The following NME5 variants were observed in gnomAD, a reference collection of about 807,000 sequenced individuals.
NME5 encodes the protein NME/NM23 family member 5, also known as nucleoside diphosphate kinase 5.
In NME5, 18 loss-of-function variants were observed where a neutral mutation model predicts 21.6. The ratio of observed to expected loss-of-function variants is 0.83; its 90% CI spans 0.58 to 1.24. The LOEUF (loss-of-function observed/expected upper bound fraction) is 1.24, where lower values mean the gene tolerates loss of function less well. Ranked by LOEUF, NME5 falls within the 50% of genes most tolerant of loss-of-function variation. The probability of loss-of-function intolerance (pLI) is 0.00; values close to 1 mark genes in which losing one functional copy is unlikely to be tolerated. For synonymous variants in NME5, 70 were observed against 80.6 expected, an observed-to-expected ratio of 0.87 and a Z score of 0.71; for missense variants, 223 against 255.4, an observed-to-expected ratio of 0.87 and a Z score of 0.86.
intron 2 of NME5, among the ~76,000 whole-genome samples, chr5:138,137,094 T>A (rs1307398492): frequency 2.0e-5 from 3 of 152,130 alleles, no homozygotes; most frequent in Non-Finnish European, 4.4e-5. Flanking sequence ...AATATGTAGA[T>A]CTCAGGTTTA....
At chr5:138,133,063 C>A (rs1033611496) in intron 2 of NME5, among the ~76,000 whole-genome samples, 1 of 151,910 alleles carries the variant, frequency 6.6e-6, no homozygotes, top group African/African-American at 2.4e-5. Flanking sequence ...GGTATGCCAG[C>A]CAATGTAGCA....
At chr5:138,119,061 AC>A (rs979239911) in intron 4 of NME5, 125 bp from the exon 5 acceptor site, 5 of 566,878 alleles carry the variant, frequency 8.8e-6, no homozygotes, top group African/African-American at 3.9e-5. Context: ...ATGGAGTCTT[AC>A]TCTGTTGCCT....
intron 4 of NME5, among the ~76,000 whole-genome samples, chr5:138,120,818 T>C (rs934248845): frequency 2.0e-4 from 30 of 152,184 alleles, no homozygotes; most frequent in African/African-American, 6.8e-4. Flanking sequence ...ATATACAGAC[T>C]TTCCTCAATT....
At chr5:138,126,210 A>G (rs1269010857) in intron 4 of NME5, among the ~76,000 whole-genome samples, 1 of 152,212 alleles carries the variant, frequency 6.6e-6, no homozygotes, top group Non-Finnish European at 1.5e-5. Flanking sequence ...AAGGCAACTG[A>G]AAATAACAGT....
In NME5 at chr5:138,138,713, A is replaced by G; in HGVS notation, c.68T>C (p.Ile23Thr). ...TTGTATCTCCTCCTCTTTGTCAACA[A>G]TATCTGGTTTGATAATGGCCAGAGT... ...EKTLAIIKPD[I>T]VDKEEEIQDI... Residue 23 changes from isoleucine (I) to threonine (T), a missense_variant, in exon 2 of 6, where the codon ATT (isoleucine) becomes ACT (threonine). Coordinates refer to ENST00000265191, the MANE Select transcript of NME5 (RefSeq NM_003551.3). 1.2e-6 allele frequency: 2 copies of G among 1,613,074 alleles called. No homozygotes were observed. Among genetic ancestry groups the G allele is most frequent in the South Asian group, 1.1e-5 (1 of 90,996 alleles).
Position 138,139,395 on chromosome 5 carries a change from C to T in NME5, c.-30G>A, listed in dbSNP as rs1310181000. On this transcript the variant is annotated 5_prime_UTR_variant, in exon 1 of 6. Coordinates refer to ENST00000265191, the MANE Select transcript of NME5 (RefSeq NM_003551.3). ...CCTCAGCGGCCGTCCTCATATGGTA[C>T]AACTTGTTGCTAGGAGACCTGAAGC... 1 of 985,672 alleles carries T rather than the reference C, an allele frequency of 1.0e-6. No individual in the cohort carries two copies. Among genetic ancestry groups the T allele is most frequent in the Non-Finnish European group, 1.2e-6 (1 of 830,148 alleles). 61.1% of individuals were successfully genotyped at this position (985,672 alleles called of 1,614,324 possible).
chr5:138,124,477 A>C (rs1751355590), intron 4 of NME5, among the ~76,000 whole-genome samples: 1 of 152,138 alleles, frequency 6.6e-6, no homozygotes, highest in Non-Finnish European at 1.5e-5. Context: ...ATGGTTTGCA[A>C]ATATTTTCTT....
chr5:138,127,728 AC>A, intron 4 of NME5: 1 of 972,534 alleles, frequency 1.0e-6, no homozygotes, highest in Non-Finnish European at 1.2e-6. Context: ...AAAAAAAGGG[AC>A]TAGTTATTAA....
chr5:138,131,731 A>G (rs977708490), intron 2 of NME5, among the ~76,000 whole-genome samples: 2 of 151,386 alleles, frequency 1.3e-5, no homozygotes, highest in Admixed American at 6.6e-5. Context: ...AGCTATTTTG[A>G]GTGCTTTTTT....
rs1445150952 is a variant in NME5, at chr5:138,138,696, C to T, written c.85G>A (p.Glu29Lys). 1 of 1,612,838 alleles carries T rather than the reference C, an allele frequency of 6.2e-7. No individual in the cohort carries two copies. Residue 29 changes from glutamate to lysine, a missense_variant, in exon 2 of 6, where the codon GAG (glutamate) becomes AAG (lysine). Glu to Lys is a moderately conservative substitution (Grantham distance 56, BLOSUM62 1). Transcript: ENST00000265191. Reference sequence around the variant, plus strand: ...GATCTAAGAATAATATCTTGTATCTCCTCCTCTTTGTCAACAATATCTGGT... The same window carrying T: ...GATCTAAGAATAATATCTTGTATCTTCTCCTCTTTGTCAACAATATCTGGT... ...IKPDIVDKEE[E>K]IQDIILRSGF...
rs762579967 is a variant in NME5, at chr5:138,131,204, T to TAAAAAAAAAAA, written c.130-1747_130-1737dup. Among the ~76,000 whole-genome samples, 115 of 80,870 alleles carry TAAAAAAAAAAA rather than the reference T, an allele frequency of 1.4e-3. 2 individuals carry two copies. Among genetic ancestry groups the TAAAAAAAAAAA allele is most frequent in the African/African-American group, 6.7e-3 (108 of 16,220 alleles). 53.1% of individuals were successfully genotyped at this position (80,870 alleles called of 152,430 possible). A position where few individuals can be genotyped will look rare whatever the true frequency, so the allele number is the denominator to read the frequency against. ...CAACATGATGAAACCCCGTCTCTGC[T>TAAAAAAAAAAA]AAAAAAAAAAAAAAAAAAAAAAAAA... On this transcript the variant is annotated intron_variant, in intron 2 of 5. Coordinates refer to ENST00000265191, the MANE Select transcript of NME5 (RefSeq NM_003551.3).
intron 4 of NME5, among the ~76,000 whole-genome samples, chr5:138,126,750 C>G (rs1751437158): frequency 6.6e-6 from 1 of 151,894 alleles, no homozygotes; most frequent in Non-Finnish European, 1.5e-5. Context: ...GAGTTCAAGA[C>G]CAGCCTGGGC....
intron 4 of NME5, among the ~76,000 whole-genome samples, chr5:138,122,333 G>A (rs928828639): frequency 1.5e-4 from 22 of 150,558 alleles, no homozygotes; most frequent in South Asian, 4.2e-4. Flanking sequence ...CCAGCTACTC[G>A]GGAGGCTGAA....
At chr5:138,139,160 G>A (rs1206239230) in intron 1 of NME5, 1 of 183,914 alleles carries the variant, frequency 5.4e-6, no homozygotes, top group Non-Finnish European at 1.1e-5. Flanking sequence ...GGGTGGTGGG[G>A]GCTCGAGGGG....
At chr5:138,135,296 C>A (rs1751671797) in intron 2 of NME5, among the ~76,000 whole-genome samples, 1 of 139,038 alleles carries the variant, frequency 7.2e-6, no homozygotes. Flanking sequence ...CCAGCCTGGG[C>A]GACACAGAGC....
intron 2 of NME5, among the ~76,000 whole-genome samples, chr5:138,133,214 C>T (rs372203389): frequency 6.6e-6 from 1 of 151,866 alleles, no homozygotes; most frequent in African/African-American, 2.4e-5. Context: ...CATTCTCCTG[C>T]TTCAGCCTCC....
At chr5:138,138,605 TAAGGGCA>T (rs1218953150) in intron 2 of NME5, 40 bp downstream of exon 2, 2 of 1,551,600 alleles carry the variant, frequency 1.3e-6, no homozygotes, top group Non-Finnish European at 1.7e-6. Context: ...ATTTTTTTTT[TAAGGGCA>T]GAGAGGAAAA....
chr5:138,121,304 C>T (rs1038187558), intron 4 of NME5, among the ~76,000 whole-genome samples: 4 of 151,978 alleles, frequency 2.6e-5, no homozygotes, highest in African/African-American at 9.7e-5. Flanking sequence ...TGGTCTATGC[C>T]TCTAGTCTCA....
chr5:138,117,468 G>C (rs992762074), intron 5 of NME5, among the ~76,000 whole-genome samples: 1 of 151,718 alleles, frequency 6.6e-6, no homozygotes, highest in Admixed American at 6.6e-5. Flanking sequence ...ATCTAATAAG[G>C]GTTTAACATC....
Sources: allele counts gnomAD v4.1 joint callset (sites outside exome capture counted in the v4.1 genomes callset), GRCh38; gene constraint gnomAD v4.1.1; transcripts MANE v1.5; gene names NCBI Gene and HGNC (gene_info 2026-07-23, HGNC 2026-07-21).